TBC1D30: variants seen among roughly 807,000 people sequenced by gnomAD.
TBC1D30 encodes TBC1 domain family member 30, also known as TBC1 domain family, member 30.
A neutral mutation model predicts 63.2 loss-of-function variants in TBC1D30; 31 were observed. The observed-to-expected ratio is 0.49, with a 90% CI of 0.37 to 0.66. The LOEUF (loss-of-function observed/expected upper bound fraction) is 0.66. Among genes scored for constraint, TBC1D30 ranks in the 30% least tolerant of loss-of-function variants. The pLI, the probability that TBC1D30 is intolerant of heterozygous loss-of-function variation, is 0.00. For missense variants in TBC1D30, 810 were observed against 953.6 expected, an observed-to-expected ratio of 0.85 and a Z score of 1.98; for synonymous variants, 307 against 361.5, an observed-to-expected ratio of 0.85 and a Z score of 1.71.
In TBC1D30 at chr12:64,875,079, A is replaced by C; in HGVS notation, c.1577A>C (p.Lys526Thr). ...ATAAACCACCTTCTTTTAGGAAAGA[A>C]GATGAAAATGACTAACAGAGCTGCC... is the stretch of plus-strand genomic sequence containing the variant. ...PVINHLLLGK[K>T]MKMTNRAAKN... Residue 526 changes from lysine to threonine, a missense_variant, in exon 12 of 12, where the codon AAG becomes ACG. Around this residue, in one of 4 missense-constraint regions of TBC1D30, gnomAD observed 450 missense variants for 473.0 expected, o/e 0.95. Coordinates refer to ENST00000539867, the MANE Select transcript of TBC1D30 (RefSeq NM_015279.2). 2 of 1,536,670 alleles carry C rather than the reference A, an allele frequency of 1.3e-6. No individual in the cohort carries two copies. The highest frequency in any genetic ancestry group is 1.7e-4 in the Middle Eastern group (1 of 5,994).
In TBC1D30 at chr12:64,832,191, G is replaced by A; in HGVS notation, c.481G>A (p.Val161Met). ...AEQDRVVLKR[V>M]LLAYARWNKT... is the part of the protein sequence containing the mutation. ...GCAGGACAGGGTTGTGTTGAAGCGG[G>A]TGCTGCTGGCCTATGCCCGATGGAA... Residue 161 changes from valine to methionine, a missense_variant, in exon 5 of 12, where the codon GTG becomes ATG. Transcript: ENST00000539867. The A allele has an allele frequency of 1.3e-6, 2 of 1,536,158 alleles. No homozygotes were observed. The highest frequency in any genetic ancestry group is 2.4e-5 in the East Asian group (1 of 40,918).
rs75003459 is a variant in TBC1D30 at position 64,782,053 on chromosome 12, G to C, written c.478+767G>C. On this transcript the variant is annotated intron_variant, in intron 1 of 12. Transcript: ENST00000542120. ...CTTTTGTTATGAGACTCTGATGCTC[G>C]TGTCTTGAGCTCGTGTCACACTTTT... Among the ~76,000 whole-genome samples, 1,119 of 151,810 alleles carry C rather than the reference G, an allele frequency of 7.4e-3. 16 individuals carry two copies. Among genetic ancestry groups the C allele is most frequent in the African/African-American group, 0.025 (1,040 of 41,394 alleles).
In TBC1D30 at chr12:64,796,006, T is replaced by C. The variant is rs530652306; in HGVS notation, c.643+9961T>C. Among the ~76,000 whole-genome samples the C allele has an allele frequency of 9.8e-5, 15 of 152,308 alleles. No individual in the cohort carries two copies. In the South Asian group the frequency reaches 2.9e-3, roughly 29 times the overall value. On this transcript the variant is annotated intron_variant, in intron 2 of 12. Transcript: ENST00000542120. ...CCGTTTTAGGTATGTTTTTGATATA[T>C]AATTAGCAGCCTGGTCTACCCTGAA...
intron 1 of TBC1D30, among the ~76,000 whole-genome samples, chr12:64,774,714 A>G (rs1871014398): frequency 1.3e-5 from 2 of 152,174 alleles, no homozygotes; most frequent in Non-Finnish European, 2.9e-5. Flanking sequence ...CGAAGGAGAA[A>G]TAAGATCCTT....
chr12:64,825,098 C>T lies in TBC1D30; in HGVS notation c.154+65C>T, dbSNP rs373299280. 22 of 1,484,348 alleles carry T rather than the reference C, an allele frequency of 1.5e-5. No homozygotes were observed. The East Asian group carries it at 5.3e-4, about 36-fold the overall frequency. The allele number at this position is 1,484,348 out of a possible 1,614,324, so 91.9% of individuals were successfully genotyped here. On this transcript the variant is annotated intron_variant, in intron 1 of 11. Coordinates refer to ENST00000539867, the MANE Select transcript of TBC1D30 (RefSeq NM_015279.2). Reference sequence around the variant, plus strand: ...GCGCCGGGGCTGCCCGCGCTTCTGCCTTAGCCTGACTCCGTCTAGGCCGGG... The same window carrying T: ...GCGCCGGGGCTGCCCGCGCTTCTGCTTTAGCCTGACTCCGTCTAGGCCGGG...
rs1424197427 is a variant in TBC1D30 at position 64,830,410 on chromosome 12, A to G, written c.316A>G (p.Ser106Gly). The G allele has an allele frequency of 3.3e-6, 5 of 1,534,386 alleles. No homozygotes were observed. In the African/African-American group the frequency reaches 4.1e-5, roughly 13 times the overall value. Reference sequence around the variant, plus strand: ...GACCTTGGCAGATCATTATTTGCACAGTATAGCCATTGACTGGGACAAAAC... The same window carrying G: ...GACCTTGGCAGATCATTATTTGCACGGTATAGCCATTGACTGGGACAAAAC... ...WLTLADHYLH[S>G]IAIDWDKTMR... The change falls in exon 4 of 12, where the codon AGT becomes GGT. Residue 106 changes from serine to glycine, a missense_variant. Physicochemically the swap from Ser to Gly is moderately conservative, Grantham distance 56. Around this residue, in one of 4 missense-constraint regions of TBC1D30, gnomAD observed 272 missense variants for 335.9 expected, o/e 0.81. Coordinates refer to ENST00000539867, the MANE Select transcript of TBC1D30 (RefSeq NM_015279.2).
intron 2 of TBC1D30, among the ~76,000 whole-genome samples, chr12:64,814,196 G>A (rs1873387807): frequency 6.6e-6 from 1 of 152,154 alleles, no homozygotes; most frequent in African/African-American, 2.4e-5. Flanking sequence ...ACAGGCGAGT[G>A]CCACCACGTC....
intron 2 of TBC1D30, chr12:64,818,609 T>C: frequency 6.3e-6 from 1 of 157,626 alleles, no homozygotes; most frequent in Non-Finnish European, 1.4e-5. Context: ...CAGCTAGTAT[T>C]TGTGTTTTTA....
intron 8 of TBC1D30, among the ~76,000 whole-genome samples, chr12:64,845,542 C>T (rs1032606923): frequency 2.6e-5 from 4 of 152,060 alleles, no homozygotes; most frequent in South Asian, 2.1e-4. Context: ...CTGACTAACA[C>T]GGTGAAACCC....
chr12:64,819,665 G>A (rs1254587848), upstream of TBC1D30, among the ~76,000 whole-genome samples: 2 of 152,076 alleles, frequency 1.3e-5, no homozygotes, highest in African/African-American at 4.8e-5. Flanking sequence ...TTATAGGCAT[G>A]AGCCACTGCA....
At chr12:64,817,458 G>C (rs1374640447) in intron 2 of TBC1D30, among the ~76,000 whole-genome samples, 8 of 152,196 alleles carry the variant, frequency 5.3e-5, no homozygotes, top group Admixed American at 5.2e-4. Context: ...GTTGCCTCCT[G>C]GAGGGTCTCA....
intron 7 of TBC1D30, among the ~76,000 whole-genome samples, chr12:64,841,703 T>C (rs984325689): frequency 1.3e-5 from 2 of 152,246 alleles, no homozygotes; most frequent in Non-Finnish European, 2.9e-5. Flanking sequence ...TGCTGTCTCC[T>C]GCATCTGTGT....
At chr12:64,848,229 A>G (rs900425327) in intron 8 of TBC1D30, among the ~76,000 whole-genome samples, 1 of 151,060 alleles carries the variant, frequency 6.6e-6, no homozygotes, top group Non-Finnish European at 1.5e-5. Context: ...TTCCATTGGC[A>G]TGGAATAACT....
intron 8 of TBC1D30, among the ~76,000 whole-genome samples, chr12:64,844,167 G>T (rs999496050): frequency 7.9e-5 from 12 of 152,118 alleles, no homozygotes; most frequent in African/African-American, 2.9e-4. Flanking sequence ...ATTCTCATCA[G>T]CATTTTGATT....
chr12:64,828,286 T>C (rs1300062845), intron 2 of TBC1D30, among the ~76,000 whole-genome samples, 158 bp from the exon 3 acceptor site: 1 of 152,252 alleles, frequency 6.6e-6, no homozygotes, highest in Admixed American at 6.5e-5. Context: ...GTAATAGCCA[T>C]GGACTGATCA....
intron 2 of TBC1D30, among the ~76,000 whole-genome samples, chr12:64,802,655 C>G (rs967458087): frequency 2.6e-5 from 4 of 152,074 alleles, no homozygotes; most frequent in South Asian, 2.1e-4. Flanking sequence ...CCGTCCCCCA[C>G]CGCATGACAG....
At chr12:64,767,043 A>C (rs538364215) in intron 1 of TBC1D30, among the ~76,000 whole-genome samples, 2 of 152,234 alleles carry the variant, frequency 1.3e-5, no homozygotes, top group East Asian at 3.9e-4. Flanking sequence ...TACAACTAAC[A>C]TAGAGCTTGA....
At chr12:64,783,932 A>G (rs998333723) in intron 1 of TBC1D30, among the ~76,000 whole-genome samples, 6 of 122,014 alleles carry the variant, frequency 4.9e-5, no homozygotes, top group African/African-American at 1.9e-4. Flanking sequence ...TGCTGGGATT[A>G]CAGGTGTGAG....
At chr12:64,834,431 G>A (rs1875143660) in intron 5 of TBC1D30, among the ~76,000 whole-genome samples, 2 of 122,716 alleles carry the variant, frequency 1.6e-5, no homozygotes, top group South Asian at 2.7e-4. Flanking sequence ...TTTTGAGATA[G>A]AGTCTTGCTC....
Sources: allele counts gnomAD v4.1 joint callset (sites outside exome capture counted in the v4.1 genomes callset), GRCh38; gene constraint gnomAD v4.1.1; regional missense constraint gnomAD v4.1.1; transcripts MANE v1.5; gene names NCBI Gene and HGNC (gene_info 2026-07-23, HGNC 2026-07-21).